The following NAV2 variants were observed in gnomAD, a reference collection of about 807,000 sequenced individuals.
NAV2 encodes helicase, APC down-regulated 1.
In NAV2, 54 loss-of-function variants were observed where a neutral mutation model predicts 223.2. The ratio of observed to expected loss-of-function variants is 0.24; its 90% CI spans 0.19 to 0.30. The LOEUF is 0.30. Among genes scored for constraint, NAV2 ranks in the 10% least tolerant of loss-of-function variants. The probability of loss-of-function intolerance (pLI) is 1.00; values close to 1 mark genes in which losing one functional copy is unlikely to be tolerated. For synonymous variants in NAV2, 1,279 were observed against 1,239.3 expected, an observed-to-expected ratio of 1.03 and a Z score of -0.67; for missense variants, 2,806 against 3,147.5, an observed-to-expected ratio of 0.89 and a Z score of 2.60.
At chr11:19,890,376 A>G (rs1241284326) in intron 5 of NAV2, among the ~76,000 whole-genome samples, 2 of 152,160 alleles carry the variant, frequency 1.3e-5, no homozygotes, top group Non-Finnish European at 2.9e-5. Context: ...TGTCCTAAAA[A>G]TCTGCTGTGG....
intron 11 of NAV2, among the ~76,000 whole-genome samples, chr11:19,989,423 A>G (rs1361148412): frequency 2.0e-5 from 3 of 152,216 alleles, no homozygotes; most frequent in Non-Finnish European, 4.4e-5. Context: ...TAGAGCCTCC[A>G]GAAATGAATG....
chr11:19,354,235 A>G (rs1853487020), intron 1 of NAV2, among the ~76,000 whole-genome samples: 1 of 152,228 alleles, frequency 6.6e-6, no homozygotes, highest in African/African-American at 2.4e-5. Flanking sequence ...CTTGAAGCCT[A>G]TGTTTTAGAT....
chr11:19,797,577 C>T (rs1176878416), intron 1 of NAV2, among the ~76,000 whole-genome samples: 1 of 152,014 alleles, frequency 6.6e-6, no homozygotes, highest in Non-Finnish European at 1.5e-5. Flanking sequence ...ACCTTCTGAC[C>T]AGAGATACTC....
intron 1 of NAV2, among the ~76,000 whole-genome samples, chr11:19,607,319 T>C (rs1241021783): frequency 6.6e-6 from 1 of 152,206 alleles, no homozygotes; most frequent in East Asian, 1.9e-4. Context: ...GCCAGGATGA[T>C]TGGTCTCTAG....
In NAV2 at chr11:19,379,621, C is replaced by A. The variant is rs552064931; in HGVS notation, c.75+28594C>A. Among the ~76,000 whole-genome samples the A allele has an allele frequency of 1.5e-4, 23 of 152,324 alleles. No homozygotes were observed. In the South Asian group the frequency reaches 4.8e-3, roughly 32 times the overall value. ...CACCTGCTGGGCTTGGCCACATCCG[C>A]TGCCCTGACTCTTCCCTCCTCCGGC... On this transcript the variant is annotated intron_variant, in intron 1 of 37. Transcript: ENST00000360655.
chr11:20,090,309 T>G (rs2060750351), intron 26 of NAV2, among the ~76,000 whole-genome samples: 1 of 152,026 alleles, frequency 6.6e-6, no homozygotes, highest in South Asian at 2.1e-4. Context: ...GTACACATGG[T>G]GGGGGAGGGG....
intron 1 of NAV2, among the ~76,000 whole-genome samples, chr11:19,547,183 C>G (rs932392763): frequency 1.3e-5 from 2 of 152,220 alleles, no homozygotes; most frequent in African/African-American, 4.8e-5. Context: ...TGGAGGCCAG[C>G]TCTCCAGGCG....
intron 11 of NAV2, among the ~76,000 whole-genome samples, chr11:20,007,343 C>T (rs2053172712): frequency 6.6e-6 from 1 of 152,206 alleles, no homozygotes; most frequent in African/African-American, 2.4e-5. Context: ...TGGCACTGCT[C>T]TCTCTAACAG....
chr11:19,785,391 T>G (rs1411437879), intron 1 of NAV2, among the ~76,000 whole-genome samples: 3 of 152,148 alleles, frequency 2.0e-5, no homozygotes, highest in Non-Finnish European at 1.5e-5. Context: ...GGAAAAGCCA[T>G]GTTTCTTTGG....
At position 19,382,464 on chromosome 11, in the gene NAV2, G is replaced by A. The variant is rs2133937675; in HGVS notation, c.75+31437G>A. 2.6e-5 allele frequency among the ~76,000 whole-genome samples: 4 copies of A among 152,308 alleles called. No individual in the cohort carries two copies. In the East Asian group the frequency reaches 5.8e-4, roughly 22 times the overall value. ...GAGTCAAGCAGCGTCTGCCGTTCAT[G>A]CAGCAGCTCGCTCCAGCCAGATGCT... is the stretch of plus-strand genomic sequence containing the variant. On this transcript the variant is annotated intron_variant, in intron 1 of 37. Coordinates refer to the NAV2 transcript ENST00000360655.
intron 37 of NAV2, among the ~76,000 whole-genome samples, chr11:20,117,452 C>T (rs187313537): frequency 5.3e-5 from 8 of 152,244 alleles, no homozygotes; most frequent in East Asian, 1.9e-4. Context: ...CCACAGATGA[C>T]GAACTGCTGG....
intron 4 of NAV2, among the ~76,000 whole-genome samples, chr11:19,877,490 T>TCTTTTCTTTTTTTTTTTTTTTTTTTG (rs2062924247): frequency 6.9e-6 from 1 of 145,298 alleles, no homozygotes; most frequent in African/African-American, 2.6e-5. Flanking sequence ...TTTTTTTTTT[T>TCTTTTCTTTTTTTTTTTTTTTTTTTG]GAGACAGAGT....
chr11:19,598,345 G>A (rs1295127708), intron 1 of NAV2, among the ~76,000 whole-genome samples: 1 of 152,234 alleles, frequency 6.6e-6, no homozygotes, highest in African/African-American at 2.4e-5. Flanking sequence ...ACTGTACACA[G>A]GTAAGACGGT....
chr11:19,785,452 G>A (rs1033256453), intron 1 of NAV2, among the ~76,000 whole-genome samples: 3 of 152,144 alleles, frequency 2.0e-5, no homozygotes, highest in African/African-American at 7.2e-5. Context: ...CCTGGTACTT[G>A]GCTAATCTTT....
intron 19 of NAV2, 134 bp downstream of exon 19, chr11:20,056,091 C>T: frequency 3.9e-6 from 3 of 778,720 alleles, no homozygotes; most frequent in East Asian, 2.7e-5. Context: ...ACCTCTCCCA[C>T]CTACTCTGGG....
At chr11:19,521,666 T>C (rs959205025) in intron 1 of NAV2, among the ~76,000 whole-genome samples, 1 of 152,168 alleles carries the variant, frequency 6.6e-6, no homozygotes, top group African/African-American at 2.4e-5. Flanking sequence ...TGAGCACTTA[T>C]TGAAGTCCAA....
intron 1 of NAV2, among the ~76,000 whole-genome samples, chr11:19,630,922 C>CAAAAA (rs10642100): frequency 1.1e-4 from 11 of 100,162 alleles, no homozygotes; most frequent in African/African-American, 4.7e-4. Flanking sequence ...GGTCCTGTTG[C>CAAAAA]AAAAAAAAAA....
chr11:19,786,342 T>C (rs1171008173), intron 1 of NAV2, among the ~76,000 whole-genome samples: 1 of 152,230 alleles, frequency 6.6e-6, no homozygotes, highest in African/African-American at 2.4e-5. Context: ...GCATCAGCAC[T>C]GGGAAGTCAG....
At chr11:20,107,099 A>ATTTTTTTTTTTT (rs2062195166) in intron 35 of NAV2, 1 of 72,816 alleles carries the variant, frequency 1.4e-5, no homozygotes, top group African/African-American at 7.6e-5. Context: ...TTTTTTTAGG[A>ATTTTTTTTTTTT]CGGAGTCTCG....
Sources: allele counts gnomAD v4.1 joint callset (sites outside exome capture counted in the v4.1 genomes callset), GRCh38; gene constraint gnomAD v4.1.1; transcripts MANE v1.5; gene names NCBI Gene and HGNC (gene_info 2026-07-23, HGNC 2026-07-21).